The following NCOA5 variants were observed in gnomAD, a reference collection of about 807,000 sequenced individuals.
The protein encoded by NCOA5 is NCoA-5.
Under a neutral mutation model 59.0 loss-of-function variants are expected in NCOA5, and 12 were observed. That is an observed-to-expected ratio of 0.20 (90% CI 0.13 to 0.33). The LOEUF (loss-of-function observed/expected upper bound fraction) is 0.33, where lower values mean the gene tolerates loss of function less well. Ranked by LOEUF, NCOA5 falls within the 10% of genes least tolerant of loss-of-function variation. The pLI is 1.00. For synonymous variants in NCOA5, 270 were observed against 275.5 expected (o/e 0.98, Z 0.20); for missense variants, 655 against 766.6 (o/e 0.85, Z 1.72).
Position 46,062,702 on chromosome 20 carries a change from G to A in NCOA5, c.1338C>T (p.Ala446=). 6.2e-7 allele frequency: 1 copy of A among 1,614,052 alleles called. No individual in the cohort carries two copies. The highest frequency in any genetic ancestry group is 8.5e-7 in the Non-Finnish European group (1 of 1,179,942). The change falls in exon 8 of 8, where the codon GCC becomes GCT. Residue 446 remains alanine (A), a synonymous_variant. Coordinates refer to ENST00000290231, the MANE Select transcript of NCOA5 (RefSeq NM_020967.3). ...LSLFNSGTVT[A]NSSSASPSVA... ...CCGAGGGGGATGCAGAGCTGCTATTGGCCGTCACTGTGCCACTATTGAAGA... is the reference window on the plus strand; with the variant it reads ...CCGAGGGGGATGCAGAGCTGCTATTAGCCGTCACTGTGCCACTATTGAAGA...
Position 46,063,634 on chromosome 20 carries a change from T to G in NCOA5, c.876A>C (p.Arg292Ser). ...ACTCATTCTTGTAACGCTCATAATT[T>G]CTGGCCACCAGCACCATGGCATCTG... is the stretch of plus-strand genomic sequence containing the variant. ...PQADAMVLVA[R>S]NYERYKNECR... Residue 292 changes from arginine to serine, a missense_variant, in exon 7 of 8, where the codon AGA (arginine) becomes AGC (serine). By Grantham distance (110) the Arg-to-Ser change is moderately radical. Around this residue, in one of 3 missense-constraint regions of NCOA5, gnomAD observed 80 missense variants for 153.3 expected, o/e 0.52. Transcript: ENST00000290231. 6.2e-7 allele frequency: 1 copy of G among 1,614,130 alleles called. No homozygotes were observed. Among genetic ancestry groups the G allele is most frequent in the African/African-American group, 1.3e-5 (1 of 75,038 alleles).
intron 2 of NCOA5, among the ~76,000 whole-genome samples, chr20:46,072,187 CACCCTCAA>C (rs1325384137): frequency 2.0e-5 from 3 of 152,232 alleles, no homozygotes; most frequent in Non-Finnish European, 4.4e-5. Context: ...ATAATCATCT[CACCCTCAA>C]ACCACAGCAA....
At chr20:46,084,480 C>T (rs1283467308) in intron 1 of NCOA5, among the ~76,000 whole-genome samples, 2 of 152,174 alleles carry the variant, frequency 1.3e-5, no homozygotes, top group African/African-American at 4.8e-5. Flanking sequence ...TATTCAATGA[C>T]GACTTCAGTT....
chr20:46,080,796 CCTT>C (rs2084984476), intron 1 of NCOA5, among the ~76,000 whole-genome samples: 1 of 151,994 alleles, frequency 6.6e-6, no homozygotes, highest in Non-Finnish European at 1.5e-5. Flanking sequence ...AAGATATAAT[CCTT>C]CTATTTTAAA....
intron 1 of NCOA5, among the ~76,000 whole-genome samples, chr20:46,083,297 GT>G (rs1325450851): frequency 6.6e-6 from 1 of 152,180 alleles, no homozygotes; most frequent in African/African-American, 2.4e-5. Context: ...AAATAGGCCA[GT>G]TTTAGCCAGC....
intron 1 of NCOA5, among the ~76,000 whole-genome samples, chr20:46,083,963 T>C (rs530335141): frequency 9.2e-5 from 14 of 152,232 alleles, no homozygotes; most frequent in Non-Finnish European, 1.6e-4. Flanking sequence ...TTGAATACTA[T>C]ACTTTCCCTA....
intron 1 of NCOA5, 67 bp from the exon 2 acceptor site, chr20:46,079,520 A>T (rs2084970027): frequency 2.3e-6 from 3 of 1,288,766 alleles, no homozygotes; most frequent in Non-Finnish European, 3.3e-6. Flanking sequence ...AGCACATTTC[A>T]AATGAAAGCA....
At chr20:46,071,358 T>C (rs952139509) in intron 2 of NCOA5, among the ~76,000 whole-genome samples, 20 of 152,324 alleles carry the variant, frequency 1.3e-4, no homozygotes, top group African/African-American at 4.3e-4. Context: ...TTTCCACTTA[T>C]CAAGTTTTAA....
In NCOA5 at chr20:46,062,204, A is replaced by C; in HGVS notation, c.*96T>G. On this transcript the variant is annotated 3_prime_UTR_variant, in exon 8 of 8. Transcript: ENST00000290231. ...TGATGACACTCGATGCCGGCCTGGG[A>C]GCGCAGAGAACATCCTCCAAACAGC... 1.1e-6 allele frequency: 1 copy of C among 898,004 alleles called. No homozygotes were observed. The highest frequency in any genetic ancestry group is 1.7e-6 in the Non-Finnish European group (1 of 601,924). The allele number at this position is 898,004 out of a possible 1,614,324, so 55.6% of individuals were successfully genotyped here. A position where few individuals can be genotyped will look rare whatever the true frequency, so the allele number is the denominator to read the frequency against.
intron 2 of NCOA5, among the ~76,000 whole-genome samples, chr20:46,075,172 A>G (rs2145541210): frequency 6.6e-6 from 1 of 152,358 alleles, no homozygotes; most frequent in Non-Finnish European, 1.5e-5. Context: ...ATGGACGTGC[A>G]ATGAGATATC....
chr20:46,071,184 T>A (rs2084879294), intron 2 of NCOA5, among the ~76,000 whole-genome samples: 1 of 149,778 alleles, frequency 6.7e-6, no homozygotes, highest in South Asian at 2.1e-4. Flanking sequence ...AAAAACAACC[T>A]GAACAGTGAA....
intron 1 of NCOA5, among the ~76,000 whole-genome samples, chr20:46,087,205 C>G (rs746393786): frequency 1.3e-5 from 2 of 152,160 alleles, no homozygotes; most frequent in African/African-American, 2.4e-5. Flanking sequence ...CAGGAATAGA[C>G]GTTTCATTCT....
intron 1 of NCOA5, among the ~76,000 whole-genome samples, chr20:46,080,831 A>G (rs1600631568): frequency 6.6e-6 from 1 of 152,148 alleles, no homozygotes; most frequent in Non-Finnish European, 1.5e-5. Flanking sequence ...AATATTTTCT[A>G]TGTAAGACTT....
intron 1 of NCOA5, among the ~76,000 whole-genome samples, chr20:46,088,024 G>A (rs889754878): frequency 6.6e-6 from 1 of 152,050 alleles, no homozygotes; most frequent in Non-Finnish European, 1.5e-5. Context: ...CAGCCTTTGA[G>A]GGGAGGGGAA....
At chr20:46,064,632 T>C (rs1040428634) in intron 6 of NCOA5, among the ~76,000 whole-genome samples, 3 of 152,216 alleles carry the variant, frequency 2.0e-5, no homozygotes, top group Non-Finnish European at 4.4e-5. Flanking sequence ...TGGAGCCAGA[T>C]CTCAGTGGCA....
chr20:46,085,217 C>T (rs572727576), intron 1 of NCOA5, among the ~76,000 whole-genome samples: 9 of 151,380 alleles, frequency 5.9e-5, no homozygotes, highest in Admixed American at 2.6e-4. Context: ...TTTTGAGATA[C>T]TGTCTCCCTA....
Position 46,061,703 on chromosome 20 carries a change from GAAA to G in NCOA5, c.*594_*596del, listed in dbSNP as rs1360360127. ...ACAAAAAACAACCTTGGCTCAGAGA[GAAA>G]AATTCTTTTTTCTGTGGCTGCCATG... On this transcript the variant is annotated 3_prime_UTR_variant, in exon 8 of 8. Coordinates refer to ENST00000290231, the MANE Select transcript of NCOA5 (RefSeq NM_020967.3). The G allele has an allele frequency of 6.6e-6, 1 of 152,564 alleles. No homozygotes were observed. The highest frequency in any genetic ancestry group is 1.5e-5 in the Non-Finnish European group (1 of 68,086). The allele number at this position is 152,564 out of a possible 1,614,324, so 9.5% of individuals were successfully genotyped here.
rs531988433 is a variant in NCOA5, at chr20:46,074,506, C to T, written c.39-3970G>A. Among the ~76,000 whole-genome samples, 89 of 152,292 alleles carry T rather than the reference C, an allele frequency of 5.8e-4. No individual in the cohort carries two copies. The Middle Eastern group carries it at 0.014, about 23-fold the overall frequency. On this transcript the variant is annotated intron_variant, in intron 2 of 7. Transcript: ENST00000290231. Reference sequence around the variant, plus strand: ...AGCACTGGAGTCCACAAACTGAAGGCAGGTGGCAAACACAACTAAAATTCT... The same window carrying T: ...AGCACTGGAGTCCACAAACTGAAGGTAGGTGGCAAACACAACTAAAATTCT...
Position 46,062,822 on chromosome 20 carries a change from T to C in NCOA5, c.1218A>G (p.Gln406=). The change falls in exon 8 of 8, where the codon CAA becomes CAG. Residue 406 remains glutamine (Q), a synonymous_variant. Coordinates refer to ENST00000290231, the MANE Select transcript of NCOA5 (RefSeq NM_020967.3). ...GGAGCACTTGGCCGCTCTGGAGCGG[T>C]TGGGAGCTTGGCTGTGTCTTCAGCG... ...GASLKTQPSS[Q]PLQSGQVLPS... The C allele has an allele frequency of 1.9e-6, 3 of 1,547,502 alleles. No homozygotes were observed. The highest frequency in any genetic ancestry group is 2.6e-6 in the Non-Finnish European group (3 of 1,146,306).
Sources: allele counts gnomAD v4.1 joint callset (sites outside exome capture counted in the v4.1 genomes callset), GRCh38; gene constraint gnomAD v4.1.1; regional missense constraint gnomAD v4.1.1; transcripts MANE v1.5; gene names NCBI Gene and HGNC (gene_info 2026-07-23, HGNC 2026-07-21).